CTNNA2: variants seen among roughly 807,000 people sequenced by gnomAD.
CTNNA2 encodes catenin alpha-2.
Under a neutral mutation model 101.0 loss-of-function variants are expected in CTNNA2, and 42 were observed. That is an observed-to-expected ratio of 0.42 (90% CI 0.32 to 0.54). The LOEUF is 0.54. CTNNA2 is among the 20% of genes least tolerant of loss of function. The probability of loss-of-function intolerance (pLI) is 0.14; values close to 1 mark genes in which losing one functional copy is unlikely to be tolerated. For missense variants in CTNNA2, 871 were observed against 1,223.1 expected (o/e 0.71, Z 4.29); for synonymous variants, 450 against 456.4 (o/e 0.99, Z 0.18).
At chr2:80,556,407 G>A (rs917182952) in intron 12 of CTNNA2, among the ~76,000 whole-genome samples, 6 of 152,150 alleles carry the variant, frequency 3.9e-5, no homozygotes, top group African/African-American at 9.7e-5. Flanking sequence ...TGGATATGAC[G>A]TGCTCAAAGA....
At chr2:80,023,429 G>C (rs1013479551) in intron 7 of CTNNA2, among the ~76,000 whole-genome samples, 5 of 152,034 alleles carry the variant, frequency 3.3e-5, no homozygotes, top group Non-Finnish European at 5.9e-5. Flanking sequence ...TGACCAAGGG[G>C]CCAGTGATTA....
intron 3 of CTNNA2, among the ~76,000 whole-genome samples, chr2:79,776,186 C>A (rs17040669): frequency 0.25 from 37,581 of 152,000 alleles, 4,885 homozygotes; most frequent in South Asian, 0.4. Flanking sequence ...AATAATGAAA[C>A]TTTGAACACG....
intron 18 of CTNNA2, among the ~76,000 whole-genome samples, chr2:80,621,589 T>C (rs1486988858): frequency 6.6e-6 from 1 of 152,006 alleles, no homozygotes; most frequent in Non-Finnish European, 1.5e-5. Flanking sequence ...ACCTTTGTGT[T>C]ATTCTAATTA....
At chr2:79,925,607 G>T (rs931420552) in intron 7 of CTNNA2, among the ~76,000 whole-genome samples, 4 of 151,974 alleles carry the variant, frequency 2.6e-5, no homozygotes, top group African/African-American at 7.2e-5. Flanking sequence ...AATTTGTTTT[G>T]CTTTTAATTT....
chr2:80,221,587 A>C (rs1027687543), intron 7 of CTNNA2, among the ~76,000 whole-genome samples: 2 of 152,208 alleles, frequency 1.3e-5, no homozygotes, highest in Non-Finnish European at 2.9e-5. Flanking sequence ...TGAGCCACTT[A>C]TTCCTGATAT....
At chr2:79,337,414 A>C (rs1036811000) in intron 3 of CTNNA2, among the ~76,000 whole-genome samples, 1 of 152,210 alleles carries the variant, frequency 6.6e-6, no homozygotes, top group East Asian at 1.9e-4. Context: ...TTTTCAAAAG[A>C]AAATGTACAT....
At chr2:79,521,090 T>A (rs1022009556) in intron 1 of CTNNA2, among the ~76,000 whole-genome samples, 14 of 102,004 alleles carry the variant, frequency 1.4e-4, no homozygotes, top group Non-Finnish European at 2.5e-4. Flanking sequence ...CCCTTTGAGA[T>A]AGAAAACAAA....
At chr2:80,062,931 T>C (rs1446526731) in intron 7 of CTNNA2, among the ~76,000 whole-genome samples, 2 of 152,126 alleles carry the variant, frequency 1.3e-5, no homozygotes, top group Non-Finnish European at 2.9e-5. Context: ...GGTCTCGATC[T>C]CCTGACCTCG....
chr2:79,811,762 G>T (rs1166275971), intron 3 of CTNNA2, among the ~76,000 whole-genome samples: 1 of 152,138 alleles, frequency 6.6e-6, no homozygotes, highest in South Asian at 2.1e-4. Context: ...AGAAAAGGAA[G>T]AATTCTGCTA....
rs533344143 is a variant in CTNNA2, at chr2:80,218,023, G to T, written c.1057-175188G>T. Among the ~76,000 whole-genome samples the T allele has an allele frequency of 1.2e-4, 19 of 152,336 alleles. No homozygotes were observed. In the South Asian group the frequency reaches 3.9e-3, roughly 32 times the overall value. ...CATTTGCCTATTACCTAACTCTGAA[G>T]AATGTGTTTCTAAATATGAATATTC... On this transcript the variant is annotated intron_variant, in intron 7 of 18. Coordinates refer to ENST00000402739, the MANE Select transcript of CTNNA2 (RefSeq NM_001282597.3).
At chr2:80,432,601 A>AT (rs548693685) in intron 9 of CTNNA2, among the ~76,000 whole-genome samples, 4 of 152,178 alleles carry the variant, frequency 2.6e-5, no homozygotes, top group African/African-American at 9.6e-5. Context: ...ACAGATTGTT[A>AT]TTTTTTCTCT....
chr2:80,540,304 T>A (rs1691438550), intron 9 of CTNNA2, among the ~76,000 whole-genome samples: 1 of 152,140 alleles, frequency 6.6e-6, no homozygotes, highest in African/African-American at 2.4e-5. Flanking sequence ...TTGAAATCAA[T>A]TATCAGATAC....
chr2:79,271,761 A>C (rs1675089047), intron 2 of CTNNA2, among the ~76,000 whole-genome samples: 1 of 152,094 alleles, frequency 6.6e-6, no homozygotes. Context: ...CAGTAAGAGG[A>C]ATTTAACAGA....
intron 1 of CTNNA2, among the ~76,000 whole-genome samples, chr2:79,648,542 G>A (rs1401051276): frequency 6.6e-6 from 1 of 152,102 alleles, no homozygotes; most frequent in Non-Finnish European, 1.5e-5. Context: ...ATGCAGGATG[G>A]GAATACTTTT....
chr2:79,208,700 G>T (rs1371293057), intron 2 of CTNNA2, among the ~76,000 whole-genome samples: 1 of 152,108 alleles, frequency 6.6e-6, no homozygotes, highest in Non-Finnish European at 1.5e-5. Context: ...AGGTATTTTG[G>T]TTCCCATTCA....
intron 5 of CTNNA2, among the ~76,000 whole-genome samples, chr2:79,873,527 T>G (rs1258195581): frequency 6.6e-6 from 1 of 151,716 alleles, no homozygotes; most frequent in East Asian, 1.9e-4. Context: ...GAAAGTTGGG[T>G]GGAGGATGTG....
intron 7 of CTNNA2, among the ~76,000 whole-genome samples, chr2:80,268,792 T>A (rs1032219360): frequency 6.6e-6 from 1 of 152,116 alleles, no homozygotes; most frequent in African/African-American, 2.4e-5. Flanking sequence ...AAGGAAAAAT[T>A]CATTTTTTCC....
chr2:80,304,574 C>T (rs1164265576), intron 7 of CTNNA2: 1 of 153,054 alleles, frequency 6.5e-6, no homozygotes, highest in Non-Finnish European at 1.5e-5. Context: ...CCATTCGCGC[C>T]CCGGGCAGCT....
At chr2:80,439,548 A>G (rs998616245) in intron 9 of CTNNA2, among the ~76,000 whole-genome samples, 5 of 151,774 alleles carry the variant, frequency 3.3e-5, no homozygotes, top group Non-Finnish European at 7.4e-5. Context: ...ACAGGCGCAA[A>G]CCACCACACC....
Sources: gnomAD v4.1 joint callset for allele counts (sites outside exome capture counted in the v4.1 genomes callset) on GRCh38, gnomAD v4.1.1 for gene constraint, MANE v1.5 for transcripts, NCBI Gene and HGNC (gene_info 2026-07-23, HGNC 2026-07-21) for gene names.